CLEC12A: variants seen among roughly 807,000 people sequenced by gnomAD.
CLEC12A encodes the protein C-type lectin domain family 12 member A.
A neutral mutation model predicts 26.5 loss-of-function variants in CLEC12A; 22 were observed. The observed-to-expected ratio is 0.83, with a 90% confidence interval of 0.59 to 1.19. CLEC12A has a LOEUF of 1.19. Ranked by LOEUF, CLEC12A falls within the 50% of genes most tolerant of loss-of-function variation. CLEC12A has a pLI of 0.00. For synonymous variants in CLEC12A, 119 were observed against 101.9 expected (o/e 1.17, Z -1.01); for missense variants, 353 against 315.6 (o/e 1.12, Z -0.90).
downstream of CLEC12A, chr12:9,999,194 C>T (rs1865125641): frequency 1.2e-6 from 1 of 812,310 alleles, no homozygotes; most frequent in East Asian, 2.5e-5. Flanking sequence ...AGTTTATGAT[C>T]TTCCTGTCTT....
rs535930013 is a variant in CLEC12A, at chr12:9,993,257, A to T, written n.1005-1761A>T. On this transcript the variant is annotated intron_variant and non_coding_transcript_variant, in intron 4 of 4. Transcript: ENST00000449959. ...CATTATGAAAATAAGCACAATTCATATTTCCTTTTCCATCTTCCAAAAACT... is the reference window on the plus strand; with the variant it reads ...CATTATGAAAATAAGCACAATTCATTTTTCCTTTTCCATCTTCCAAAAACT... 1.4e-5 allele frequency: 22 copies of T among 1,612,920 alleles called. No individual in the cohort carries two copies. The South Asian group carries it at 2.3e-4, about 17-fold the overall frequency.
downstream of CLEC12A, among the ~76,000 whole-genome samples, chr12:9,986,349 A>G (rs1170854064): frequency 6.6e-6 from 1 of 151,622 alleles, no homozygotes; most frequent in African/African-American, 2.4e-5. Context: ...CCACTGAAAA[A>G]AAAAAAAAAA....
chr12:9,999,211 GGTAGAACCATGTGA>G, downstream of CLEC12A: 1 of 679,880 alleles, frequency 1.5e-6, no homozygotes, highest in Non-Finnish European at 2.5e-6. Context: ...TCTTTAGTAG[GGTAGAACCATGTGA>G]GATGGGACAC....
intron 1 of CLEC12A, among the ~76,000 whole-genome samples, chr12:9,962,814 A>G (rs1863859490): frequency 6.6e-6 from 1 of 152,138 alleles, no homozygotes; most frequent in Admixed American, 6.5e-5. Context: ...AGGGGATAGG[A>G]TGGTTTAGCT....
Position 9,979,352 on chromosome 12 carries a change from G to T in CLEC12A, c.207G>T (p.Lys69Asn). Residue 69 changes from lysine (K) to asparagine (N), a missense_variant, in exon 3 of 6, where the codon AAG (lysine) becomes AAT (asparagine). Transcript: ENST00000304361. ...AATGTGGAGTTCACGTAACTTTGAAGATAGAAATGAAAAAAATGAACAAAC... is the reference window on the plus strand; with the variant it reads ...AATGTGGAGTTCACGTAACTTTGAATATAGAAATGAAAAAAATGAACAAAC... ...VLASMFHVTL[K>N]IEMKKMNKLQ... The T allele has an allele frequency of 6.3e-7, 1 of 1,594,530 alleles. No homozygotes were observed. The highest frequency in any genetic ancestry group is 8.6e-7 in the Non-Finnish European group (1 of 1,168,910).
chr12:9,957,505 C>CA (rs1565546241), intron 1 of CLEC12A, among the ~76,000 whole-genome samples: 9 of 137,424 alleles, frequency 6.5e-5, no homozygotes, highest in African/African-American at 1.4e-4. Context: ...AAAAAAAAAA[C>CA]AAAAAAACAA....
At chr12:9,987,318 T>C (rs770088081), downstream of CLEC12A, among the ~76,000 whole-genome samples, 1 of 152,210 alleles carries the variant, frequency 6.6e-6, no homozygotes, top group Non-Finnish European at 1.5e-5. Context: ...CCATCATTTT[T>C]ATTAGCATAG....
chr12:9,971,422 A>G lies in CLEC12A; in HGVS notation c.-175A>G, dbSNP rs1249307848. On this transcript the variant is annotated 5_prime_UTR_variant, in exon 1 of 6. Coordinates refer to ENST00000304361, the MANE Select transcript of CLEC12A (RefSeq NM_138337.6). Reference sequence around the variant, plus strand: ...CAGATGAGATTTGGCTCATTTGCAGACATATGGGTGATTGGTACAGTAGGT... The same window carrying G: ...CAGATGAGATTTGGCTCATTTGCAGGCATATGGGTGATTGGTACAGTAGGT... 2.4e-6 allele frequency: 3 copies of G among 1,241,234 alleles called. No homozygotes were observed. The highest frequency in any genetic ancestry group is 3.1e-5 in the African/African-American group (2 of 64,276). 76.9% of individuals were successfully genotyped at this position (1,241,234 alleles called of 1,614,324 possible). A position where few individuals can be genotyped will look rare whatever the true frequency, so the allele number is the denominator to read the frequency against.
At chr12:9,995,175 C>T in exon 5 of CLEC12A, 3 of 1,613,174 alleles carry the variant, frequency 1.9e-6, no homozygotes, top group Non-Finnish European at 1.7e-6. Context: ...CCTCCCACTT[C>T]CAGACCTCAT....
downstream of CLEC12A, among the ~76,000 whole-genome samples, chr12:10,000,449 A>G (rs972729501): frequency 3.3e-5 from 5 of 152,206 alleles, no homozygotes; most frequent in Non-Finnish European, 5.9e-5. Flanking sequence ...TGATTTTGGA[A>G]AGCCAAACTT....
downstream of CLEC12A, chr12:9,996,687 T>C: frequency 1.3e-6 from 1 of 760,722 alleles, no homozygotes; most frequent in Non-Finnish European, 2.3e-6. Flanking sequence ...GTGGATTGAA[T>C]ATCTGGGTTC....
At chr12:9,971,111 A>G (rs1864109949), upstream of CLEC12A, among the ~76,000 whole-genome samples, 1 of 152,088 alleles carries the variant, frequency 6.6e-6, no homozygotes, top group Admixed American at 6.6e-5. Context: ...TACAAAAGGA[A>G]TATCTATGCC....
intron 1 of CLEC12A, among the ~76,000 whole-genome samples, chr12:9,960,792 G>A (rs914784551): frequency 1.9e-4 from 29 of 152,202 alleles, no homozygotes; most frequent in African/African-American, 6.3e-4. Flanking sequence ...TTAGAAAACC[G>A]ACTTTCAGGC....
At chr12:9,983,174 A>G (rs1864630643) in intron 5 of CLEC12A, among the ~76,000 whole-genome samples, 1 of 152,116 alleles carries the variant, frequency 6.6e-6, no homozygotes, top group Non-Finnish European at 1.5e-5. Context: ...TTAGATACCC[A>G]ATAGTGGAAT....
chr12:9,983,471 A>C, intron 5 of CLEC12A: 3 of 691,010 alleles, frequency 4.3e-6, no homozygotes, highest in Admixed American at 2.1e-5. Flanking sequence ...AAGTCTTTAC[A>C]TATAAAAATA....
intron 1 of CLEC12A, among the ~76,000 whole-genome samples, chr12:9,965,402 G>C (rs1863913121): frequency 6.6e-6 from 1 of 151,942 alleles, no homozygotes; most frequent in Non-Finnish European, 1.5e-5. Context: ...GAAGAAATTT[G>C]GGCTTGACTG....
chr12:9,967,017 T>C (rs1212292698), upstream of CLEC12A, among the ~76,000 whole-genome samples: 3 of 151,324 alleles, frequency 2.0e-5, no homozygotes, highest in Admixed American at 1.3e-4. Flanking sequence ...GCTGAACAGG[T>C]TGGGGAGGGC....
intron 1 of CLEC12A, among the ~76,000 whole-genome samples, chr12:9,973,032 A>G (rs1864187935): frequency 6.6e-6 from 1 of 152,176 alleles, no homozygotes; most frequent in Non-Finnish European, 1.5e-5. Flanking sequence ...TGTCTTCTTC[A>G]TGTTCTTAAT....
chr12:9,951,275 G>A (rs555210485), upstream of CLEC12A: 918 of 702,226 alleles, frequency 1.3e-3, 2 homozygotes, highest in Non-Finnish European at 2.1e-3. Flanking sequence ...TTTCTATTTA[G>A]CATTGCTGCT....
Sources: allele counts gnomAD v4.1 joint callset (sites outside exome capture counted in the v4.1 genomes callset), GRCh38; gene constraint gnomAD v4.1.1; transcripts MANE v1.5; gene names NCBI Gene and HGNC (gene_info 2026-07-23, HGNC 2026-07-21).